Variants in LIN28B observed in about 807,000 individuals in gnomAD.
LIN28B encodes the protein lin-28 RNA binding posttranscriptional regulator B.
In LIN28B, 5 loss-of-function variants were observed where a neutral mutation model predicts 21.9. The ratio of observed to expected loss-of-function variants is 0.23; its 90% CI spans 0.12 to 0.48. LIN28B has a LOEUF of 0.48. Ranked by LOEUF, LIN28B falls within the 20% of genes least tolerant of loss-of-function variation. The pLI, the probability that LIN28B is intolerant of heterozygous loss-of-function variation, is 0.98. For synonymous variants in LIN28B, 109 were observed against 111.3 expected (o/e 0.98, Z 0.13); for missense variants, 245 against 310.5 (o/e 0.79, Z 1.58).
At chr6:104,972,013 CA>C in intron 2 of LIN28B, among the ~76,000 whole-genome samples, 1 of 152,080 alleles carries the variant, frequency 6.6e-6, no homozygotes. Flanking sequence ...CTCTGTCTCC[CA>C]GGCTGTAGTG....
chr6:105,050,596 G>A lies in LIN28B; in HGVS notation c.383+24114G>A, dbSNP rs538564004. ...CGCAGTCCAGCCTGGGCGACAGAGCGAGACTCCGTCTCAAAAAAAAAAAAA... is the reference window on the plus strand; with the variant it reads ...CGCAGTCCAGCCTGGGCGACAGAGCAAGACTCCGTCTCAAAAAAAAAAAAA... On this transcript the variant is annotated intron_variant, in intron 3 of 3. Transcript: ENST00000345080. Among the ~76,000 whole-genome samples the A allele has an allele frequency of 4.4e-4, 42 of 95,316 alleles. No individual in the cohort carries two copies. The South Asian group carries it at 0.014, about 32-fold the overall frequency. 62.5% of individuals were successfully genotyped at this position (95,316 alleles called of 152,430 possible).
At chr6:105,012,242 TG>T (rs1197958769) in intron 2 of LIN28B, among the ~76,000 whole-genome samples, 1 of 151,054 alleles carries the variant, frequency 6.6e-6, no homozygotes, top group East Asian at 2.0e-4. Flanking sequence ...CTGAGGCAGG[TG>T]GATCACCTGA....
chr6:105,079,018 G>A lies in LIN28B; in HGVS notation c.*235G>A, dbSNP rs1044517867. 5.2e-5 allele frequency: 24 copies of A among 462,364 alleles called. No homozygotes were observed. The highest frequency in any genetic ancestry group is 3.9e-5 in the Non-Finnish European group (10 of 259,462). 28.6% of individuals were successfully genotyped at this position (462,364 alleles called of 1,614,324 possible). A position where few individuals can be genotyped will look rare whatever the true frequency, so the allele number is the denominator to read the frequency against. On this transcript the variant is annotated 3_prime_UTR_variant, in exon 4 of 4. Transcript: ENST00000345080. ...TGTCTGTCAATATGTGCATGTGTGA[G>A]AGGGAGAGAGCCTGAGTCTGTGTGT...
chr6:105,034,453 CTG>C (rs1562100565), intron 3 of LIN28B, among the ~76,000 whole-genome samples: 2 of 151,844 alleles, frequency 1.3e-5, no homozygotes, highest in South Asian at 2.1e-4. Flanking sequence ...GGCTAATAGA[CTG>C]TTAAAAAAAA....
chr6:104,999,738 T>G (rs898035908), intron 2 of LIN28B, among the ~76,000 whole-genome samples: 4 of 152,138 alleles, frequency 2.6e-5, no homozygotes, highest in African/African-American at 9.7e-5. Flanking sequence ...TGGAGTGCAT[T>G]GGCATGATCT....
intron 2 of LIN28B, among the ~76,000 whole-genome samples, chr6:104,941,839 T>C (rs1352972528): frequency 2.0e-5 from 3 of 152,206 alleles, no homozygotes; most frequent in Non-Finnish European, 2.9e-5. Context: ...TTGTGAAGAT[T>C]TGTACTCCAA....
intron 2 of LIN28B, among the ~76,000 whole-genome samples, chr6:105,001,983 A>G (rs532933109): frequency 2.6e-5 from 4 of 152,296 alleles, no homozygotes; most frequent in Admixed American, 2.6e-4. Context: ...AACAATTTGC[A>G]GTAATGTAAA....
chr6:104,971,696 TA>T (rs1224694927), intron 2 of LIN28B, among the ~76,000 whole-genome samples: 1 of 152,160 alleles, frequency 6.6e-6, no homozygotes, highest in Non-Finnish European at 1.5e-5. Context: ...GCAATTGATT[TA>T]TTTTTTTATG....
rs180952234 is a variant in LIN28B at position 104,968,073 on chromosome 6, G to T, written c.198+9787G>T. 8.9e-4 allele frequency among the ~76,000 whole-genome samples: 136 copies of T among 152,272 alleles called. No individual in the cohort carries two copies. In the South Asian group the frequency reaches 0.012, roughly 13 times the overall value. ...AGAAAAGTATTAACTTTTAAAAAAT[G>T]ATTATAAAAATCGTGGTTCAGTAAA... On this transcript the variant is annotated intron_variant, in intron 2 of 3. Transcript: ENST00000345080.
chr6:105,068,335 A>T (rs1214049182), intron 3 of LIN28B, among the ~76,000 whole-genome samples: 1 of 152,224 alleles, frequency 6.6e-6, no homozygotes, highest in Non-Finnish European at 1.5e-5. Context: ...TATGAAAATG[A>T]TTAAATGAAT....
chr6:104,944,643 A>G (rs952477605), intron 2 of LIN28B, among the ~76,000 whole-genome samples: 1 of 152,142 alleles, frequency 6.6e-6, no homozygotes, highest in African/African-American at 2.4e-5. Context: ...TTACAATATT[A>G]CTGTGCTCTA....
chr6:104,963,431 TCA>T (rs1253941766), intron 2 of LIN28B, among the ~76,000 whole-genome samples: 1 of 152,232 alleles, frequency 6.6e-6, no homozygotes, highest in Non-Finnish European at 1.5e-5. Context: ...GGTGCATTTC[TCA>T]GACTCTTTTT....
chr6:105,065,519 G>A (rs1772204005), intron 3 of LIN28B, among the ~76,000 whole-genome samples: 1 of 152,236 alleles, frequency 6.6e-6, no homozygotes, highest in Admixed American at 6.5e-5. Context: ...AGGGAGAAAT[G>A]GACAGAGGTC....
chr6:105,062,761 A>G (rs559341979), intron 3 of LIN28B, among the ~76,000 whole-genome samples: 1 of 152,208 alleles, frequency 6.6e-6, no homozygotes, highest in Admixed American at 6.5e-5. Flanking sequence ...AAAATGAAAT[A>G]CTTTTGAAAG....
At chr6:105,043,027 C>CAG (rs1771668086) in intron 3 of LIN28B, among the ~76,000 whole-genome samples, 1 of 152,152 alleles carries the variant, frequency 6.6e-6, no homozygotes, top group Non-Finnish European at 1.5e-5. Flanking sequence ...AACCTCTGAA[C>CAG]TGTCCTTTGC....
At chr6:104,944,390 AGAGT>A (rs1166430866) in intron 2 of LIN28B, among the ~76,000 whole-genome samples, 3 of 152,192 alleles carry the variant, frequency 2.0e-5, no homozygotes, top group African/African-American at 7.2e-5. Context: ...CTGGTAAGAT[AGAGT>A]ATGAACTTGA....
At chr6:104,984,133 AAGTG>A (rs1447057574) in intron 2 of LIN28B, among the ~76,000 whole-genome samples, 1 of 152,242 alleles carries the variant, frequency 6.6e-6, no homozygotes, top group Non-Finnish European at 1.5e-5. Flanking sequence ...GTAGAAAGAA[AAGTG>A]AGTTAGATAT....
intron 2 of LIN28B, among the ~76,000 whole-genome samples, chr6:104,980,463 CCCTCT>C (rs1770196328): frequency 6.6e-6 from 1 of 152,092 alleles, no homozygotes; most frequent in Non-Finnish European, 1.5e-5. Flanking sequence ...TCCCAGGAGG[CCCTCT>C]CAACTTTATC....
intron 3 of LIN28B, among the ~76,000 whole-genome samples, chr6:105,070,592 CCACACACACACACACACACACACACA>C (rs752057191): frequency 1.1e-5 from 1 of 92,226 alleles, no homozygotes; most frequent in Non-Finnish European, 2.1e-5. Flanking sequence ...ATCAATAAAA[CCACACACACACACACACACACACACA>C]CACACACACA....
Sources: allele counts gnomAD v4.1 joint callset (sites outside exome capture counted in the v4.1 genomes callset), GRCh38; gene constraint gnomAD v4.1.1; transcripts MANE v1.5; gene names NCBI Gene and HGNC (gene_info 2026-07-23, HGNC 2026-07-21).